Variants in TNRC6B observed in about 807,000 individuals in gnomAD.
TNRC6B encodes the protein trinucleotide repeat containing adaptor 6B.
In TNRC6B, 52 loss-of-function variants were observed where a neutral mutation model predicts 203.6. That is an observed-to-expected ratio of 0.26 (90% CI 0.20 to 0.32). The LOEUF (loss-of-function observed/expected upper bound fraction) is 0.32, where lower values mean the gene tolerates loss of function less well. Ranked by LOEUF, TNRC6B falls within the 10% of genes least tolerant of loss-of-function variation. TNRC6B has a pLI of 1.00. For synonymous variants in TNRC6B, 838 were observed against 845.7 expected, an observed-to-expected ratio of 0.99 and a Z score of 0.16; for missense variants, 1,923 against 2,286.2, an observed-to-expected ratio of 0.84 and a Z score of 3.24.
upstream of TNRC6B, among the ~76,000 whole-genome samples, chr22:40,175,807 A>G (rs1358958211): frequency 6.6e-6 from 1 of 152,252 alleles, no homozygotes; most frequent in Non-Finnish European, 1.5e-5. Flanking sequence ...AGCCACAGCT[A>G]TTCAGGCTAC....
chr22:40,270,598 G>A (rs1473754283), intron 6 of TNRC6B, among the ~76,000 whole-genome samples: 1 of 152,088 alleles, frequency 6.6e-6, no homozygotes, highest in African/African-American at 2.4e-5. Context: ...GACTACAGGC[G>A]TGAGCCACCG....
chr22:40,209,352 A>C (rs2069528067), intron 1 of TNRC6B, among the ~76,000 whole-genome samples: 1 of 152,192 alleles, frequency 6.6e-6, no homozygotes, highest in Non-Finnish European at 1.5e-5. Context: ...CTGTCTGAAC[A>C]TGCAGTCATC....
At chr22:40,083,830 A>G (rs1194956828) in intron 1 of TNRC6B, among the ~76,000 whole-genome samples, 2 of 152,140 alleles carry the variant, frequency 1.3e-5, no homozygotes, top group South Asian at 2.1e-4. Context: ...TCGTTGTATT[A>G]TGGTATTTTT....
intron 3 of TNRC6B, among the ~76,000 whole-genome samples, chr22:40,154,875 A>ATATATATG (rs1569000894): frequency 1.9e-5 from 1 of 51,372 alleles, no homozygotes; most frequent in Non-Finnish European, 3.5e-5. Context: ...ATATATATAT[A>ATATATATG]TATATATATA....
intron 2 of TNRC6B, among the ~76,000 whole-genome samples, chr22:40,120,031 C>T (rs1252787083): frequency 6.6e-6 from 1 of 152,118 alleles, no homozygotes; most frequent in Non-Finnish European, 1.5e-5. Context: ...GGGCACATTA[C>T]ATGGTTTTAA....
chr22:40,147,972 A>G (rs1339152000), intron 3 of TNRC6B, among the ~76,000 whole-genome samples: 4 of 152,212 alleles, frequency 2.6e-5, no homozygotes, highest in Non-Finnish European at 5.9e-5. Context: ...GTGGTTGCAC[A>G]ATTCTGTAAA....
chr22:40,113,948 C>T (rs1199947771), intron 1 of TNRC6B, among the ~76,000 whole-genome samples: 3 of 152,062 alleles, frequency 2.0e-5, no homozygotes, highest in East Asian at 1.9e-4. Flanking sequence ...GAGTTATTTG[C>T]GACTCAATTA....
chr22:40,253,768 G>A (rs1465659787), intron 3 of TNRC6B: 1 of 454,910 alleles, frequency 2.2e-6, no homozygotes, highest in Non-Finnish European at 4.4e-6. Context: ...TAGGTTTACA[G>A]CCACATCTTC....
intron 1 of TNRC6B, chr22:40,106,373 T>C (rs2068283653): frequency 8.2e-7 from 1 of 1,215,630 alleles, no homozygotes; most frequent in Non-Finnish European, 1.2e-6. Context: ...TGCCAGCATC[T>C]CCACCTTCTA....
At chr22:40,157,488 G>C (rs970400859) in intron 4 of TNRC6B, among the ~76,000 whole-genome samples, 4 of 152,108 alleles carry the variant, frequency 2.6e-5, no homozygotes, top group Non-Finnish European at 1.5e-5. Flanking sequence ...GGCTCGTCTT[G>C]TATTTGTTGT....
At chr22:40,128,572 G>GGCTCACGGCTCACGGCTCACGGCTCACA (rs1555884298) in intron 3 of TNRC6B, among the ~76,000 whole-genome samples, 2 of 146,512 alleles carry the variant, frequency 1.4e-5, no homozygotes, top group African/African-American at 5.4e-5. Context: ...CACGGCTCAC[G>GGCTCACGGCTCACGGCTCACGGCTCACA]GCTCACAGCT....
At chr22:40,312,451 T>C (rs928399359) in intron 17 of TNRC6B, 54 bp from the exon 18 acceptor site, 2 of 1,550,926 alleles carry the variant, frequency 1.3e-6, no homozygotes, top group Non-Finnish European at 8.7e-7. Flanking sequence ...AAAAGTACTA[T>C]ATCATTTTTT....
At chr22:40,078,807 C>G (rs1387854772) in intron 1 of TNRC6B, among the ~76,000 whole-genome samples, 2 of 151,714 alleles carry the variant, frequency 1.3e-5, no homozygotes, top group African/African-American at 4.8e-5. Context: ...GGTGCGGTGG[C>G]TCGTGCCTGT....
Position 40,330,065 on chromosome 22 carries a change from C to T in TNRC6B, c.*6824C>T, listed in dbSNP as rs1323934191. 4.6e-5 allele frequency: 7 copies of T among 152,134 alleles called. No individual in the cohort carries two copies. Among genetic ancestry groups the T allele is most frequent in the African/African-American group, 1.2e-4 (5 of 41,408 alleles). 9.4% of individuals were successfully genotyped at this position (152,134 alleles called of 1,614,324 possible). A position where few individuals can be genotyped will look rare whatever the true frequency, so the allele number is the denominator to read the frequency against. On this transcript the variant is annotated 3_prime_UTR_variant, in exon 23 of 23. Coordinates refer to ENST00000454349, the MANE Select transcript of TNRC6B (RefSeq NM_001162501.2). Reference sequence around the variant, plus strand: ...TTTTAAATAAAGAATAAATAGTGTCCGTTTAAAGCACTTTGTGCCTCAACT... The same window carrying T: ...TTTTAAATAAAGAATAAATAGTGTCTGTTTAAAGCACTTTGTGCCTCAACT...
intron 3 of TNRC6B, among the ~76,000 whole-genome samples, chr22:40,143,592 T>C (rs1039055379): frequency 6.6e-6 from 1 of 152,094 alleles, no homozygotes; most frequent in Non-Finnish European, 1.5e-5. Flanking sequence ...CGGGTTCACT[T>C]CATTCTCCTG....
At chr22:40,254,615 CG>C (rs2146482945) in intron 3 of TNRC6B, among the ~76,000 whole-genome samples, 1 of 152,274 alleles carries the variant, frequency 6.6e-6, no homozygotes, top group Admixed American at 6.5e-5. Flanking sequence ...AGGCCGAGCG[CG>C]GTGGCTCACG....
In TNRC6B at chr22:40,266,725, C is replaced by T. The variant is rs769299650; in HGVS notation, c.2495C>T (p.Pro832Leu). ...CAGCCCCCACAGCAGCCGCCGCCAC[C>T]ACAACCAGAGGCTTCTGGTTCGTGG... ...QQQPPQQPPP[P>L]QPEASGSWGG... The change falls in exon 5 of 23, where the codon CCA becomes CTA. Residue 832 changes from proline to leucine, a missense_variant. By Grantham distance (98) the Pro-to-Leu change is moderately conservative. This residue lies in a region of TNRC6B where 599 missense variants were observed against 656.5 expected (regional missense o/e 0.91). Transcript: ENST00000454349. 6.2e-6 allele frequency: 10 copies of T among 1,613,990 alleles called. No homozygotes were observed. Among genetic ancestry groups the T allele is most frequent in the Non-Finnish European group, 8.5e-6 (10 of 1,179,872 alleles).
chr22:40,161,729 T>C (rs1218688863), intron 4 of TNRC6B, among the ~76,000 whole-genome samples: 1 of 152,238 alleles, frequency 6.6e-6, no homozygotes, highest in Non-Finnish European at 1.5e-5. Context: ...GTAAACACTT[T>C]ATGTGTATTG....
chr22:40,089,140 T>C (rs1204737828), intron 1 of TNRC6B, among the ~76,000 whole-genome samples: 4 of 152,324 alleles, frequency 2.6e-5, no homozygotes, highest in African/African-American at 9.6e-5. Context: ...TCCACTGTTT[T>C]GAGATCCAGA....
Sources: gnomAD v4.1 joint callset for allele counts (sites outside exome capture counted in the v4.1 genomes callset) on GRCh38, gnomAD v4.1.1 for gene constraint, gnomAD v4.1.1 regional missense constraint, MANE v1.5 for transcripts, NCBI Gene and HGNC (gene_info 2026-07-23, HGNC 2026-07-21) for gene names.